The following EFL1 variants were observed in gnomAD, a reference collection of about 807,000 sequenced individuals.
The protein encoded by EFL1 is elongation factor like GTPase 1.
Under a neutral mutation model 126.7 loss-of-function variants are expected in EFL1, and 76 were observed. The observed-to-expected ratio is 0.60, with a 90% CI of 0.50 to 0.73. EFL1 has a LOEUF of 0.73. Among genes scored for constraint, EFL1 ranks in the 30% least tolerant of loss-of-function variants. The probability of loss-of-function intolerance (pLI) is 0.00; values close to 1 mark genes in which losing one functional copy is unlikely to be tolerated. For synonymous variants in EFL1, 410 were observed against 448.4 expected, an observed-to-expected ratio of 0.91 and a Z score of 1.08; for missense variants, 1,128 against 1,343.2, an observed-to-expected ratio of 0.84 and a Z score of 2.50.
intron 16 of EFL1, among the ~76,000 whole-genome samples, chr15:82,161,562 T>C (rs1393107545): frequency 6.6e-6 from 1 of 152,034 alleles, no homozygotes; most frequent in Non-Finnish European, 1.5e-5. Flanking sequence ...AGTCAATAAA[T>C]GCAAGGTAAA....
intron 15 of EFL1, among the ~76,000 whole-genome samples, chr15:82,204,640 G>A (rs2141285443): frequency 6.6e-6 from 1 of 152,322 alleles, no homozygotes; most frequent in Non-Finnish European, 1.5e-5. Context: ...ATTCTGTCAT[G>A]TGCCAAAAAT....
chr15:82,246,690 T>C (rs1207842674), intron 4 of EFL1, among the ~76,000 whole-genome samples: 1 of 152,076 alleles, frequency 6.6e-6, no homozygotes, highest in Non-Finnish European at 1.5e-5. Flanking sequence ...GCACAGGTTT[T>C]TGCCAGTGAC....
At chr15:82,140,685 C>T (rs1268035319) in intron 18 of EFL1, among the ~76,000 whole-genome samples, 5 of 152,158 alleles carry the variant, frequency 3.3e-5, no homozygotes. Flanking sequence ...GCTGTGGAAG[C>T]CAACTTCCTT....
intron 18 of EFL1, among the ~76,000 whole-genome samples, chr15:82,148,286 G>A (rs1489202723): frequency 6.6e-6 from 1 of 151,136 alleles, no homozygotes; most frequent in East Asian, 2.0e-4. Context: ...GCTGAGGTGG[G>A]AGAATTGCTT....
At chr15:82,156,987 T>C (rs1415872824) in intron 17 of EFL1, among the ~76,000 whole-genome samples, 1 of 152,196 alleles carries the variant, frequency 6.6e-6, no homozygotes, top group African/African-American at 2.4e-5. Flanking sequence ...GAACAGTCTT[T>C]CTTGAGGAAA....
At chr15:82,254,710 G>A (rs960018887) in intron 3 of EFL1, among the ~76,000 whole-genome samples, 8 of 152,152 alleles carry the variant, frequency 5.3e-5, no homozygotes, top group Middle Eastern at 3.4e-3. Flanking sequence ...CCACATTGAC[G>A]TAATTTATTC....
intron 15 of EFL1, among the ~76,000 whole-genome samples, chr15:82,189,175 T>C (rs933083654): frequency 3.3e-5 from 5 of 152,154 alleles, no homozygotes; most frequent in African/African-American, 1.2e-4. Flanking sequence ...AAGACAATGG[T>C]AAGTATTTCT....
intron 15 of EFL1, among the ~76,000 whole-genome samples, chr15:82,190,226 C>A (rs192097038): frequency 6.6e-6 from 1 of 152,064 alleles, no homozygotes; most frequent in Non-Finnish European, 1.5e-5. Context: ...TTCCTCACTG[C>A]GTTGTTTTAA....
chr15:82,221,030 C>T (rs2074706511), intron 12 of EFL1, among the ~76,000 whole-genome samples: 1 of 152,136 alleles, frequency 6.6e-6, no homozygotes, highest in Non-Finnish European at 1.5e-5. Flanking sequence ...TCAACCCCAA[C>T]ACATGAACAA....
At chr15:82,164,299 T>C (rs1345791197) in intron 15 of EFL1, among the ~76,000 whole-genome samples, 1 of 152,244 alleles carries the variant, frequency 6.6e-6, no homozygotes, top group Non-Finnish European at 1.5e-5. Context: ...CACTGATTAT[T>C]TCTAACACTT....
chr15:82,151,593 T>G lies in EFL1; in HGVS notation c.2861A>C (p.Tyr954Ser), dbSNP rs376247618. ...QKGESPLTDC[Y>S]GPFSGQLIAT... The stretch of plus-strand genomic sequence containing the variant: ...AATTAGCTGTCCTGAGAAAGGTCCA[T>G]AGCAGTCAGTGAGTGGAGATTCTCC... Residue 954 changes from tyrosine to serine, a missense_variant, in exon 18 of 20, where the codon TAT (tyrosine) becomes TCT (serine). Physicochemically the swap from Tyr to Ser is moderately radical, Grantham distance 144. Around this residue, in one of 6 missense-constraint regions of EFL1, gnomAD observed 561 missense variants for 641.7 expected, o/e 0.87. Coordinates refer to ENST00000268206, the MANE Select transcript of EFL1 (RefSeq NM_024580.6). 3 of 1,614,066 alleles carry G rather than the reference T, an allele frequency of 1.9e-6. No homozygotes were observed. The highest frequency in any genetic ancestry group is 2.5e-6 in the Non-Finnish European group (3 of 1,180,030).
intron 15 of EFL1, among the ~76,000 whole-genome samples, chr15:82,212,991 C>T (rs914141742): frequency 1.3e-5 from 2 of 152,184 alleles, no homozygotes; most frequent in Non-Finnish European, 2.9e-5. Context: ...GGGACAAAAG[C>T]CACATGCTGA....
In EFL1 at chr15:82,211,595, GACAC is replaced by G. The variant is rs10543301; in HGVS notation, c.1750+3118_1750+3121del. Reference sequence around the variant, plus strand: ...ACACACACACACTAGACACATACTAGACACACACACACACACACACACACTAGAC... The same window carrying G: ...ACACACACACACTAGACACATACTAGACACACACACACACACACACTAGAC... On this transcript the variant is annotated intron_variant, in intron 15 of 19. Transcript: ENST00000268206. Among the ~76,000 whole-genome samples the G allele has an allele frequency of 1.6e-4, 17 of 105,778 alleles. 1 individual carries two copies. The highest frequency in any genetic ancestry group is 4.8e-4 in the East Asian group (2 of 4,166). 69.4% of individuals were successfully genotyped at this position (105,778 alleles called of 152,430 possible). A position where few individuals can be genotyped will look rare whatever the true frequency, so the allele number is the denominator to read the frequency against.
At chr15:82,229,616 G>A (rs2074800351) in intron 8 of EFL1, among the ~76,000 whole-genome samples, 3 of 151,914 alleles carry the variant, frequency 2.0e-5, no homozygotes, top group South Asian at 4.2e-4. Context: ...TTCCATACAC[G>A]AGATGGGATA....
At chr15:82,196,136 G>C (rs779534086) in intron 15 of EFL1, among the ~76,000 whole-genome samples, 6 of 152,176 alleles carry the variant, frequency 3.9e-5, no homozygotes, top group African/African-American at 7.2e-5. Context: ...GTCAGAAGAA[G>C]CAGACAGTGA....
intron 15 of EFL1, among the ~76,000 whole-genome samples, chr15:82,208,513 A>G (rs1453031851): frequency 6.6e-6 from 1 of 152,184 alleles, no homozygotes; most frequent in African/African-American, 2.4e-5. Flanking sequence ...AAAGCTTCCC[A>G]TTTTAGTATT....
At chr15:82,208,464 T>C (rs1315705647) in intron 15 of EFL1, among the ~76,000 whole-genome samples, 1 of 152,166 alleles carries the variant, frequency 6.6e-6, no homozygotes, top group Non-Finnish European at 1.5e-5. Context: ...ACCTAGTGGC[T>C]ACCAAATGGA....
In EFL1 at chr15:82,227,493, T is replaced by C. The variant is rs750668732; in HGVS notation, c.1149A>G (p.Gln383=). Residue 383 remains glutamine, a synonymous_variant, in exon 11 of 20, where the codon CAA becomes CAG. Coordinates refer to ENST00000268206, the MANE Select transcript of EFL1 (RefSeq NM_024580.6). ...RVERLMCTGS[Q]TFDSFPPETQ... ...TTTCTGGTGGAAAAGAGTCAAAAGT[T>C]TGTGATCCTGTGCACATCAGTCTCT... 5.6e-6 allele frequency: 9 copies of C among 1,614,012 alleles called. No individual in the cohort carries two copies. The highest frequency in any genetic ancestry group is 1.7e-5 in the Admixed American group (1 of 59,994).
chr15:82,165,075 C>T (rs1167851060), intron 15 of EFL1, among the ~76,000 whole-genome samples: 2 of 152,040 alleles, frequency 1.3e-5, no homozygotes, highest in Non-Finnish European at 2.9e-5. Flanking sequence ...GAGTTCAAGA[C>T]CAGCCTGGGT....
Sources: allele counts gnomAD v4.1 joint callset (sites outside exome capture counted in the v4.1 genomes callset), GRCh38; gene constraint gnomAD v4.1.1; regional missense constraint gnomAD v4.1.1; transcripts MANE v1.5; gene names NCBI Gene and HGNC (gene_info 2026-07-23, HGNC 2026-07-21).